Variants in PHLPP1 observed in about 807,000 individuals in gnomAD.
PHLPP1 encodes PH domain and leucine rich repeat protein phosphatase 1, also known as PH domain leucine-rich repeat-containing protein phosphatase 1.
A neutral mutation model predicts 117.2 loss-of-function variants in PHLPP1; 42 were observed. The ratio of observed to expected loss-of-function variants is 0.36; its 90% confidence interval spans 0.28 to 0.46. The LOEUF is 0.46. PHLPP1 is among the 20% of genes least tolerant of loss of function. The pLI, the probability that PHLPP1 is intolerant of heterozygous loss-of-function variation, is 1.00. For missense variants in PHLPP1, 2,084 were observed against 2,241.9 expected, an observed-to-expected ratio of 0.93 and a Z score of 1.42; for synonymous variants, 1,042 against 970.7, an observed-to-expected ratio of 1.07 and a Z score of -1.37.
chr18:62,919,108 AAATT>A (rs573798942), intron 9 of PHLPP1, among the ~76,000 whole-genome samples: 15 of 152,178 alleles, frequency 9.9e-5, no homozygotes, highest in Non-Finnish European at 1.5e-4. Flanking sequence ...GCAGATTGAT[AAATT>A]AATTCTTGAT....
chr18:62,978,182 C>A lies in PHLPP1; in HGVS notation c.3985-80C>A. 1.3e-6 allele frequency: 1 copy of A among 773,902 alleles called. No individual in the cohort carries two copies. Among genetic ancestry groups the A allele is most frequent in the South Asian group, 1.7e-5 (1 of 58,242 alleles). The allele number at this position is 773,902 out of a possible 1,614,324, so 47.9% of individuals were successfully genotyped here. A position where few individuals can be genotyped will look rare whatever the true frequency, so the allele number is the denominator to read the frequency against. On this transcript the variant is annotated intron_variant, in intron 16 of 16. Coordinates refer to ENST00000262719, the MANE Select transcript of PHLPP1 (RefSeq NM_194449.4). This position sits in a 1 kb window ranked among gnomAD's most constrained non-coding sequence, Gnocchi z 7.0. ...TCTGTGGTCCTACAGTCGAGACAGT[C>A]GAGGGACCCGCAGGGAACCTGCACA...
intron 9 of PHLPP1, among the ~76,000 whole-genome samples, chr18:62,918,919 A>G (rs755696877): frequency 4.6e-5 from 7 of 152,164 alleles, no homozygotes; most frequent in East Asian, 1.9e-4. Context: ...CCATCCCACA[A>G]TGTATACGTA....
chr18:62,963,339 T>G (rs1435515181), intron 13 of PHLPP1, 29 bp from the exon 14 acceptor site: 1 of 1,494,646 alleles, frequency 6.7e-7, no homozygotes, highest in Non-Finnish European at 9.3e-7. Flanking sequence ...TTTTAATGAT[T>G]CCTGTTCCCT....
At chr18:62,746,773 G>A (rs1249314922) in intron 1 of PHLPP1, among the ~76,000 whole-genome samples, 2 of 150,792 alleles carry the variant, frequency 1.3e-5, no homozygotes, top group East Asian at 3.9e-4. Context: ...TATTGTATGT[G>A]GGTTTTTTTT....
intron 3 of PHLPP1, chr18:62,839,729 T>A (rs1040159379): frequency 6.2e-5 from 9 of 146,012 alleles, no homozygotes; most frequent in South Asian, 2.1e-4. Context: ...AAAAAAAATA[T>A]ATATATATGT....
intron 1 of PHLPP1, among the ~76,000 whole-genome samples, chr18:62,781,133 T>C (rs1488173898): frequency 2.0e-5 from 3 of 152,248 alleles, no homozygotes; most frequent in African/African-American, 7.2e-5. Context: ...TTCTAAATCT[T>C]AGTTTCCTTA....
chr18:62,716,148 C>A lies in PHLPP1; in HGVS notation c.465C>A (p.Ala155=). ...AAAASHSPGA[A]GLPASCSASA... ...CTGCCTCGCACTCCCCCGGCGCTGC[C>A]GGCCTCCCCGCCTCCTGCTCGGCCT... Residue 155 remains alanine (A), a synonymous_variant, in exon 1 of 17, where the codon GCC becomes GCA. Transcript: ENST00000262719. The surrounding 1 kb of genome is among the most constrained non-coding windows in gnomAD (Gnocchi z 5.7). The A allele has an allele frequency of 6.6e-7, 1 of 1,518,106 alleles. No individual in the cohort carries two copies. The highest frequency in any genetic ancestry group is 8.8e-7 in the Non-Finnish European group (1 of 1,139,156). 94.0% of individuals were successfully genotyped at this position (1,518,106 alleles called of 1,614,324 possible). A position where few individuals can be genotyped will look rare whatever the true frequency, so the allele number is the denominator to read the frequency against.
Position 62,722,848 on chromosome 18 carries a change from T to A in PHLPP1, c.1576+5589T>A, listed in dbSNP as rs546984632. On this transcript the variant is annotated intron_variant, in intron 1 of 16. Coordinates refer to ENST00000262719, the MANE Select transcript of PHLPP1 (RefSeq NM_194449.4). ...AAAGATGTTAGTATATTTAGGTAAC[T>A]GTGAAATAGCAACTCTTTGAAGATG... Among the ~76,000 whole-genome samples the A allele has an allele frequency of 2.0e-5, 3 of 152,358 alleles. No homozygotes were observed. The South Asian group carries it at 6.2e-4, about 32-fold the overall frequency.
intron 10 of PHLPP1, among the ~76,000 whole-genome samples, chr18:62,922,557 G>T (rs967353996): frequency 3.3e-5 from 5 of 152,180 alleles, no homozygotes; most frequent in Admixed American, 3.3e-4. Flanking sequence ...AGAATTATAA[G>T]TTATATCATA....
intron 10 of PHLPP1, among the ~76,000 whole-genome samples, chr18:62,927,319 C>T (rs1301705450): frequency 6.6e-6 from 1 of 152,040 alleles, no homozygotes; most frequent in African/African-American, 2.4e-5. Flanking sequence ...TGAACAGATC[C>T]ATATTGGGTT....
At chr18:62,751,243 A>T (rs748142649) in intron 1 of PHLPP1, among the ~76,000 whole-genome samples, 7 of 152,220 alleles carry the variant, frequency 4.6e-5, no homozygotes, top group Non-Finnish European at 1.0e-4. Context: ...TCAAAAATAA[A>T]TGTGAAGCAT....
chr18:62,838,628 T>C, intron 2 of PHLPP1, 156 bp from the exon 3 acceptor site: 1 of 592,174 alleles, frequency 1.7e-6, no homozygotes, highest in South Asian at 3.1e-5. Context: ...TCAAATTGGG[T>C]GATCATATGC....
chr18:62,846,073 G>A (rs1303349017), intron 3 of PHLPP1, among the ~76,000 whole-genome samples: 1 of 152,074 alleles, frequency 6.6e-6, no homozygotes, highest in Non-Finnish European at 1.5e-5. Flanking sequence ...GCCAGGCATG[G>A]TGGCAGGTGC....
intron 1 of PHLPP1, among the ~76,000 whole-genome samples, chr18:62,800,774 G>C (rs891090547): frequency 2.0e-5 from 3 of 151,968 alleles, no homozygotes; most frequent in African/African-American, 4.8e-5. Context: ...GAAGCTATTC[G>C]ATGCTGAGCT....
At chr18:62,930,595 C>T (rs916273436) in intron 10 of PHLPP1, among the ~76,000 whole-genome samples, 4 of 152,086 alleles carry the variant, frequency 2.6e-5, no homozygotes, top group African/African-American at 7.2e-5. Flanking sequence ...AAAGAGATAG[C>T]GATACAGTAA....
chr18:62,738,395 TA>T (rs774079803), intron 1 of PHLPP1, among the ~76,000 whole-genome samples: 1 of 152,082 alleles, frequency 6.6e-6, no homozygotes, highest in East Asian at 1.9e-4. Flanking sequence ...AATGCAACAA[TA>T]AAAAATAATA....
chr18:62,978,887 C>G lies in PHLPP1; in HGVS notation c.4610C>G (p.Ser1537Cys). The change falls in exon 17 of 17, where the codon TCT becomes TGT. Residue 1537 changes from serine to cysteine, a missense_variant. Around this residue, in one of 2 missense-constraint regions of PHLPP1, gnomAD observed 1,365 missense variants for 1,605.9 expected, o/e 0.85. Coordinates refer to ENST00000262719, the MANE Select transcript of PHLPP1 (RefSeq NM_194449.4). The surrounding 1 kb of genome is among the most constrained non-coding windows in gnomAD (Gnocchi z 7.0). The part of the protein sequence containing the change: ...FQRQLSSATF[S>C]SAFSDNGLDS... The stretch of plus-strand genomic sequence containing the variant: ...CGCCAGCTATCCAGCGCCACGTTCT[C>G]TAGCGCCTTCTCCGACAACGGCCTT... 1 of 1,607,030 alleles carries G rather than the reference C, an allele frequency of 6.2e-7. No individual in the cohort carries two copies.
At chr18:62,762,530 C>A (rs1028816690) in intron 1 of PHLPP1, among the ~76,000 whole-genome samples, 4 of 150,844 alleles carry the variant, frequency 2.7e-5, no homozygotes, top group African/African-American at 9.8e-5. Flanking sequence ...TCTCCTGTCT[C>A]AGCCTCCTAA....
At chr18:62,748,154 A>G (rs2076175880) in intron 1 of PHLPP1, among the ~76,000 whole-genome samples, 4 of 152,332 alleles carry the variant, frequency 2.6e-5, no homozygotes, top group Admixed American at 1.3e-4. Context: ...TCCTTCTTCC[A>G]TAATTGTGAA....
Sources: gnomAD v4.1 joint callset for allele counts (sites outside exome capture counted in the v4.1 genomes callset) on GRCh38, gnomAD v4.1.1 for gene constraint, gnomAD v4.1.1 regional missense constraint, Gnocchi (gnomAD v3.1) non-coding constraint, MANE v1.5 for transcripts, NCBI Gene and HGNC (gene_info 2026-07-23, HGNC 2026-07-21) for gene names.